GNA12: variants seen among roughly 807,000 people sequenced by gnomAD.
The protein encoded by GNA12 is G protein subunit alpha 12.
Under a neutral mutation model 26.0 loss-of-function variants are expected in GNA12, and 9 were observed. The ratio of observed to expected loss-of-function variants is 0.35; its 90% confidence interval spans 0.21 to 0.60. GNA12 has a LOEUF of 0.60. GNA12 is among the 20% of genes least tolerant of loss of function. The probability of loss-of-function intolerance (pLI) is 0.78; values close to 1 mark genes in which losing one functional copy is unlikely to be tolerated. For synonymous variants in GNA12, 264 were observed against 219.6 expected (o/e 1.20, Z -1.79); for missense variants, 405 against 525.8 (o/e 0.77, Z 2.25).
chr7:2,773,077 A>G (rs1037838472), intron 2 of GNA12, among the ~76,000 whole-genome samples: 7 of 152,244 alleles, frequency 4.6e-5, no homozygotes, highest in African/African-American at 1.4e-4. Context: ...ATCTACAGTG[A>G]TGGAAGTGAA....
At chr7:2,838,790 T>C (rs1477776893) in intron 1 of GNA12, among the ~76,000 whole-genome samples, 10 of 152,172 alleles carry the variant, frequency 6.6e-5, no homozygotes, top group Non-Finnish European at 1.5e-4. Context: ...AGAAAATTAC[T>C]GGAGAAAAAA....
chr7:2,794,325 T>C (rs181975752), intron 2 of GNA12, among the ~76,000 whole-genome samples: 2 of 152,282 alleles, frequency 1.3e-5, no homozygotes, highest in East Asian at 3.9e-4. Flanking sequence ...ATGCTGGTTA[T>C]CAGAAAAATT....
intron 1 of GNA12, among the ~76,000 whole-genome samples, chr7:2,820,510 C>G (rs1422741134): frequency 1.3e-5 from 2 of 149,162 alleles, no homozygotes; most frequent in African/African-American, 5.0e-5. Context: ...GCCCAGGAGA[C>G]ATGCAAAACC....
intron 1 of GNA12, among the ~76,000 whole-genome samples, chr7:2,831,387 T>C (rs994757893): frequency 6.6e-6 from 1 of 150,746 alleles, no homozygotes; most frequent in Admixed American, 6.7e-5. Flanking sequence ...AAAACTAAAA[T>C]TATGGAACTT....
At chr7:2,787,328 G>A (rs190270974) in intron 2 of GNA12, among the ~76,000 whole-genome samples, 1 of 152,134 alleles carries the variant, frequency 6.6e-6, no homozygotes, top group Non-Finnish European at 1.5e-5. Flanking sequence ...TCCTATTTAA[G>A]TGTCAGTCAA....
chr7:2,768,691 A>ACAC (rs1554258742), intron 2 of GNA12, among the ~76,000 whole-genome samples: 2 of 142,590 alleles, frequency 1.4e-5, no homozygotes, highest in African/African-American at 5.1e-5. Flanking sequence ...ACAAAACAAA[A>ACAC]AAAAAAACAG....
At chr7:2,824,502 C>G (rs1793439342) in intron 1 of GNA12, among the ~76,000 whole-genome samples, 1 of 152,174 alleles carries the variant, frequency 6.6e-6, no homozygotes, top group African/African-American at 2.4e-5. Context: ...TTCTCCTGCC[C>G]CCAGCACTTG....
chr7:2,812,148 C>T (rs1027141428), intron 1 of GNA12, among the ~76,000 whole-genome samples: 1 of 152,238 alleles, frequency 6.6e-6, no homozygotes, highest in Non-Finnish European at 1.5e-5. Flanking sequence ...CAAGTAAGTC[C>T]CTGTGTTACT....
At chr7:2,747,437 T>G (rs1790821216) in intron 2 of GNA12, among the ~76,000 whole-genome samples, 1 of 152,202 alleles carries the variant, frequency 6.6e-6, no homozygotes, top group Admixed American at 6.5e-5. Context: ...ACTATCTCAG[T>G]AGATGCAGAA....
chr7:2,805,041 C>T (rs1296164457), intron 1 of GNA12, among the ~76,000 whole-genome samples: 1 of 152,208 alleles, frequency 6.6e-6, no homozygotes, highest in African/African-American at 2.4e-5. Context: ...AACCCTCCTC[C>T]TGATCCAACC....
At chr7:2,742,484 TATCTC>T (rs1790558316) in intron 2 of GNA12, among the ~76,000 whole-genome samples, 1 of 152,234 alleles carries the variant, frequency 6.6e-6, no homozygotes, top group Non-Finnish European at 1.5e-5. Flanking sequence ...TGCTCCTGTT[TATCTC>T]ATCGCTGTCC....
intron 1 of GNA12, among the ~76,000 whole-genome samples, chr7:2,808,363 C>A (rs1447603578): frequency 1.3e-5 from 2 of 152,234 alleles, no homozygotes; most frequent in Middle Eastern, 3.2e-3. Context: ...GCTGCTTCTG[C>A]ACCTTCTGCA....
At chr7:2,789,204 C>T (rs1473223780) in intron 2 of GNA12, among the ~76,000 whole-genome samples, 1 of 121,836 alleles carries the variant, frequency 8.2e-6, no homozygotes, top group Non-Finnish European at 1.6e-5. Flanking sequence ...GGCGGGATCT[C>T]GGCTCACTGC....
At chr7:2,799,999 A>G (rs1792770157) in intron 1 of GNA12, among the ~76,000 whole-genome samples, 1 of 152,212 alleles carries the variant, frequency 6.6e-6, no homozygotes, top group Admixed American at 6.5e-5. Flanking sequence ...TGCAACTCCC[A>G]TACAGCCTAG....
At chr7:2,738,592 C>T (rs1370891956) in intron 2 of GNA12, among the ~76,000 whole-genome samples, 3 of 151,978 alleles carry the variant, frequency 2.0e-5, no homozygotes, top group Non-Finnish European at 4.4e-5. Context: ...AACGTGGATA[C>T]ACCAGCAGCA....
chr7:2,791,208 CTCTG>C lies in GNA12; in HGVS notation c.525+3716_525+3719del, dbSNP rs144705286. Among the ~76,000 whole-genome samples the C allele has an allele frequency of 9.7e-3, 1,479 of 152,310 alleles. 18 individuals carry two copies. Among genetic ancestry groups the C allele is most frequent in the African/African-American group, 0.033 (1,384 of 41,568 alleles). Reference sequence around the variant, plus strand: ...CAAAGTCTTTCTGTTGAGCATCCTGCTCTGTCTTACTTAACTGTGTTTTGGAAGA... The same window carrying C: ...CAAAGTCTTTCTGTTGAGCATCCTGCTCTTACTTAACTGTGTTTTGGAAGA... On this transcript the variant is annotated intron_variant, in intron 2 of 3. Transcript: ENST00000275364.
chr7:2,820,031 A>C (rs1396701752), intron 1 of GNA12, among the ~76,000 whole-genome samples: 1 of 152,254 alleles, frequency 6.6e-6, no homozygotes, highest in Non-Finnish European at 1.5e-5. Context: ...AGGGAATGCT[A>C]TTCGGCCGCT....
intron 2 of GNA12, among the ~76,000 whole-genome samples, chr7:2,768,681 ACAAAAC>A (rs1791871808): frequency 3.2e-5 from 3 of 95,182 alleles, no homozygotes; most frequent in African/African-American, 9.4e-5. Context: ...AAAAAACAAA[ACAAAAC>A]AAAAAAAAAA....
At chr7:2,768,059 T>C (rs1297171238) in intron 2 of GNA12, among the ~76,000 whole-genome samples, 3 of 152,196 alleles carry the variant, frequency 2.0e-5, no homozygotes, top group Non-Finnish European at 2.9e-5. Context: ...TTCACCATAT[T>C]GGTCAGGCTG....
Sources: allele counts gnomAD v4.1 joint callset (sites outside exome capture counted in the v4.1 genomes callset), GRCh38; gene constraint gnomAD v4.1.1; transcripts MANE v1.5; gene names NCBI Gene and HGNC (gene_info 2026-07-23, HGNC 2026-07-21).